The following LHFPL6 variants were observed in gnomAD, a reference collection of about 807,000 sequenced individuals.
The protein encoded by LHFPL6 is LHFPL tetraspan subfamily member 6 protein.
In LHFPL6, 9 loss-of-function variants were observed where a neutral mutation model predicts 20.6. The ratio of observed to expected loss-of-function variants is 0.44; its 90% CI spans 0.26 to 0.76. The LOEUF (loss-of-function observed/expected upper bound fraction) is 0.76. Among genes scored for constraint, LHFPL6 ranks in the 30% least tolerant of loss-of-function variants. LHFPL6 has a pLI of 0.20. For missense variants in LHFPL6, 218 were observed against 253.5 expected, an observed-to-expected ratio of 0.86 and a Z score of 0.95; for synonymous variants, 105 against 98.7, an observed-to-expected ratio of 1.06 and a Z score of -0.38.
intron 2 of LHFPL6, among the ~76,000 whole-genome samples, chr13:39,559,473 C>T (rs988521549): frequency 3.3e-5 from 5 of 152,230 alleles, no homozygotes; most frequent in Non-Finnish European, 7.3e-5. Flanking sequence ...AACAAGGACA[C>T]TGCAGATCCC....
chr13:39,484,271 T>C (rs1281360262), intron 2 of LHFPL6, among the ~76,000 whole-genome samples: 1 of 152,180 alleles, frequency 6.6e-6, no homozygotes. Flanking sequence ...CTAAAATGTG[T>C]TCCTCTCTTA....
chr13:39,572,517 T>C (rs1871959482), intron 2 of LHFPL6, among the ~76,000 whole-genome samples: 1 of 152,172 alleles, frequency 6.6e-6, no homozygotes, highest in South Asian at 2.1e-4. Context: ...AACCTCTCTT[T>C]AAGAAGTAAA....
At chr13:39,359,705 C>G (rs577921846) in intron 3 of LHFPL6, among the ~76,000 whole-genome samples, 2 of 152,044 alleles carry the variant, frequency 1.3e-5, no homozygotes, top group Admixed American at 6.6e-5. Flanking sequence ...CGGATTCAAT[C>G]ATACTCCAAA....
chr13:39,492,095 C>A (rs569790017), intron 2 of LHFPL6, among the ~76,000 whole-genome samples: 8 of 152,238 alleles, frequency 5.3e-5, no homozygotes, highest in African/African-American at 1.9e-4. Flanking sequence ...CAGTGCCAAG[C>A]GCTATAAGTA....
intron 2 of LHFPL6, among the ~76,000 whole-genome samples, chr13:39,428,480 G>T (rs1259054047): frequency 6.6e-6 from 1 of 151,960 alleles, no homozygotes; most frequent in Non-Finnish European, 1.5e-5. Context: ...CAAATGTATT[G>T]GTATGCAGTG....
chr13:39,539,758 A>C (rs1287196370), intron 2 of LHFPL6, among the ~76,000 whole-genome samples: 3 of 152,232 alleles, frequency 2.0e-5, no homozygotes, highest in Non-Finnish European at 4.4e-5. Context: ...CCACAAACCC[A>C]GACTGCTCTT....
chr13:39,582,510 C>T (rs1413751821), intron 2 of LHFPL6, among the ~76,000 whole-genome samples: 2 of 152,102 alleles, frequency 1.3e-5, no homozygotes, highest in East Asian at 1.9e-4. Context: ...ACAGCTAACC[C>T]GCAACCAATG....
At chr13:39,490,858 TC>T (rs983298440) in intron 2 of LHFPL6, among the ~76,000 whole-genome samples, 1 of 152,184 alleles carries the variant, frequency 6.6e-6, no homozygotes, top group Non-Finnish European at 1.5e-5. Context: ...ACCCTGATTT[TC>T]CTGGAAGTCC....
At chr13:39,553,830 C>G (rs991402849) in intron 2 of LHFPL6, among the ~76,000 whole-genome samples, 2 of 152,230 alleles carry the variant, frequency 1.3e-5, no homozygotes, top group African/African-American at 4.8e-5. Context: ...GAACATCATT[C>G]CAGCTGAGGC....
intron 2 of LHFPL6, among the ~76,000 whole-genome samples, chr13:39,422,957 A>G (rs1871536851): frequency 6.6e-6 from 1 of 152,194 alleles, no homozygotes; most frequent in African/African-American, 2.4e-5. Context: ...AAGGGAAAAA[A>G]GCCCCTTAAA....
rs1308469911 is a variant in LHFPL6, at chr13:39,550,715, C to T, written c.385+50117G>A. The stretch of plus-strand genomic sequence containing the variant: ...CTAGACCTGAATCCATTTATTTTGG[C>T]TTTATGAATAAGAGAAATTCAGTTT... On this transcript the variant is annotated intron_variant, in intron 2 of 3. Coordinates refer to ENST00000379589, the MANE Select transcript of LHFPL6 (RefSeq NM_005780.3). Among the ~76,000 whole-genome samples, 8 of 152,016 alleles carry T rather than the reference C, an allele frequency of 5.3e-5. 1 individual carries two copies. Among genetic ancestry groups the T allele is most frequent in the Non-Finnish European group, 5.9e-5 (4 of 68,030 alleles).
chr13:39,459,398 T>C (rs971310103), intron 2 of LHFPL6, among the ~76,000 whole-genome samples: 3 of 151,968 alleles, frequency 2.0e-5, no homozygotes, highest in African/African-American at 7.3e-5. Context: ...TTTTCTCCCT[T>C]CCAACAAACC....
intron 2 of LHFPL6, among the ~76,000 whole-genome samples, chr13:39,411,634 T>C (rs1166513352): frequency 1.3e-5 from 2 of 152,242 alleles, no homozygotes; most frequent in African/African-American, 4.8e-5. Context: ...CCTGGGACTT[T>C]CATGAGCTTC....
rs369034086 is a variant in LHFPL6 at position 39,528,475 on chromosome 13, A to G, written c.385+72357T>C. Among the ~76,000 whole-genome samples, 22 of 152,332 alleles carry G rather than the reference A, an allele frequency of 1.4e-4. No individual in the cohort carries two copies. The South Asian group carries it at 1.7e-3, about 11-fold the overall frequency. On this transcript the variant is annotated intron_variant, in intron 2 of 3. Coordinates refer to ENST00000379589, the MANE Select transcript of LHFPL6 (RefSeq NM_005780.3). ...GCAATGACAAGCTCAGCAGCATCCC[A>G]AAGAGCTCCAGTGCCAAGCTGTAGG...
intron 2 of LHFPL6, among the ~76,000 whole-genome samples, chr13:39,479,037 A>G (rs900485311): frequency 3.2e-5 from 3 of 94,954 alleles, no homozygotes; most frequent in Non-Finnish European, 2.1e-5. Flanking sequence ...AGATAGATAT[A>G]GATAGATAGA....
chr13:39,558,300 T>C (rs902002356), intron 2 of LHFPL6, among the ~76,000 whole-genome samples: 1 of 152,140 alleles, frequency 6.6e-6, no homozygotes, highest in African/African-American at 2.4e-5. Flanking sequence ...TGCCTCGCGG[T>C]AGGGAACAGA....
intron 2 of LHFPL6, among the ~76,000 whole-genome samples, chr13:39,415,363 G>A (rs1351674310): frequency 1.3e-5 from 2 of 152,148 alleles, no homozygotes; most frequent in African/African-American, 4.8e-5. Context: ...CAGCAAAGTT[G>A]AGGAAAAACA....
chr13:39,480,332 C>T (rs1868469654), intron 2 of LHFPL6, among the ~76,000 whole-genome samples: 1 of 152,138 alleles, frequency 6.6e-6, no homozygotes, highest in Non-Finnish European at 1.5e-5. Context: ...ATACTAGCAT[C>T]TTGATACAGA....
At chr13:39,553,115 AAT>A (rs1295297304) in intron 2 of LHFPL6, among the ~76,000 whole-genome samples, 1 of 152,248 alleles carries the variant, frequency 6.6e-6, no homozygotes, top group African/African-American at 2.4e-5. Flanking sequence ...AGAAAATTGA[AAT>A]ATGTCAATAC....
Sources: allele counts gnomAD v4.1 joint callset (sites outside exome capture counted in the v4.1 genomes callset), GRCh38; gene constraint gnomAD v4.1.1; transcripts MANE v1.5; gene names NCBI Gene and HGNC (gene_info 2026-07-23, HGNC 2026-07-21).